DCAF8L2: variants seen among roughly 807,000 people sequenced by gnomAD.
DCAF8L2 encodes DDB1 and CUL4 associated factor 8 like 2, also known as DDB1- and CUL4-associated factor 8-like protein 2.
For synonymous variants in DCAF8L2, 200 were observed against 190.9 expected, an observed-to-expected ratio of 1.05 and a Z score of -0.39; for missense variants, 430 against 490.7, an observed-to-expected ratio of 0.88 and a Z score of 1.17.
chrX:27,633,907 T>C (rs1407416757), intron 2 of DCAF8L2: 3 of 111,785 alleles, frequency 2.7e-5, no homozygotes, highest in African/African-American at 9.8e-5. Flanking sequence ...TCTCTCTTTC[T>C]GCTGGTGAAG....
intron 1 of DCAF8L2, among the ~76,000 whole-genome samples, chrX:27,591,012 T>TATATATATATATATATATATATATAA (rs1311861515): frequency 1.1e-5 from 1 of 88,533 alleles, no homozygotes; most frequent in Non-Finnish European, 2.2e-5. Context: ...TATATATATA[T>TATATATATATATATATATATATATAA]ATAAATAAAT....
chrX:27,604,529 G>A (rs1050445329), intron 1 of DCAF8L2, among the ~76,000 whole-genome samples: 2 of 111,385 alleles, frequency 1.8e-5, no homozygotes, highest in Non-Finnish European at 3.8e-5. Flanking sequence ...CTAGTGACTA[G>A]TATGGAGGTA....
At chrX:27,580,966 A>G in the DCAF8L2 span, among the ~76,000 whole-genome samples, 9 of 100,421 alleles carry the variant, frequency 9.0e-5, no homozygotes, top group Admixed American at 3.3e-4. Context: ...TAATTTTTTT[A>G]TCAACACAAT....
intron 3 of DCAF8L2, among the ~76,000 whole-genome samples, chrX:27,688,828 A>G (rs894146956): frequency 8.9e-6 from 1 of 111,790 alleles, no homozygotes; most frequent in African/African-American, 3.2e-5. Flanking sequence ...AAGTAACTAC[A>G]TGGAGGTCTT....
At chrX:27,711,633 T>C (rs966401077) in intron 3 of DCAF8L2, among the ~76,000 whole-genome samples, 2 of 110,421 alleles carry the variant, frequency 1.8e-5, no homozygotes, top group African/African-American at 6.6e-5. Flanking sequence ...GAATAAAAAT[T>C]AAAGAAAATA....
intron 2 of DCAF8L2, among the ~76,000 whole-genome samples, 200 bp from the exon 3 acceptor site, chrX:27,677,627 CTTAGGAAAA>C (rs1411376637): frequency 1.8e-5 from 2 of 111,430 alleles, no homozygotes. Context: ...AGAAATAAAG[CTTAGGAAAA>C]GTAGGAAAAG....
chrX:27,501,159 C>G, the DCAF8L2 span, among the ~76,000 whole-genome samples: 1 of 110,539 alleles, frequency 9.0e-6, no homozygotes, highest in East Asian at 2.9e-4. Flanking sequence ...TGGCCATCAG[C>G]TAGAGCTCAC....
chrX:27,733,995 TA>T (rs199958457), intron 4 of DCAF8L2, among the ~76,000 whole-genome samples: 235 of 110,910 alleles, frequency 2.1e-3, no homozygotes, highest in African/African-American at 7.2e-3. Context: ...CTTTTTTTGA[TA>T]AAAAAAATCC....
chrX:27,474,319 T>C, the DCAF8L2 span, among the ~76,000 whole-genome samples: 1 of 112,286 alleles, frequency 8.9e-6, no homozygotes, highest in Non-Finnish European at 1.9e-5. Context: ...ATAGTTATAG[T>C]CATCTATCTC....
chrX:27,513,698 A>C, the DCAF8L2 span, among the ~76,000 whole-genome samples: 1 of 94,806 alleles, frequency 1.1e-5, no homozygotes, highest in Non-Finnish European at 2.1e-5. Context: ...AGCAAGACTC[A>C]GTCTCAAAAA....
At chrX:27,666,977 T>G (rs1252323786) in intron 2 of DCAF8L2, among the ~76,000 whole-genome samples, 1 of 111,603 alleles carries the variant, frequency 9.0e-6, no homozygotes, top group African/African-American at 3.3e-5. Flanking sequence ...CAGATTCTGA[T>G]TTAGTATATC....
the DCAF8L2 span, among the ~76,000 whole-genome samples, chrX:27,552,898 A>G: frequency 2.7e-5 from 3 of 112,043 alleles, no homozygotes; most frequent in East Asian, 8.3e-4. Context: ...AATTCTTCCA[A>G]TCTATGCACA....
rs374953949 is a variant in DCAF8L2, at chrX:27,747,642, C to T, written c.747C>T (p.Asp249=). Residue 249 remains aspartate, a synonymous_variant, in exon 5 of 5, where the codon GAC becomes GAT. Transcript: ENST00000451261. ...CCCGGCTGGCCAGTAGCGGTGATGACCTAAAGGTGATAGTGTGGGACTGGG... is the reference window on the plus strand; with the variant it reads ...CCCGGCTGGCCAGTAGCGGTGATGATCTAAAGGTGATAGTGTGGGACTGGG... ...RGTRLASSGD[D]LKVIVWDWVR... is the part of the protein sequence containing the mutation. 2.4e-4 allele frequency: 291 copies of T among 1,207,624 alleles called. 1 individual carries two copies. In the Middle Eastern group the frequency reaches 3.7e-3, roughly 15 times the overall value.
chrX:27,657,727 C>A (rs1000945525), intron 2 of DCAF8L2, among the ~76,000 whole-genome samples: 1 of 111,932 alleles, frequency 8.9e-6, no homozygotes, highest in Non-Finnish European at 1.9e-5. Context: ...CAGGGAAGAA[C>A]CATAGGCCAA....
chrX:27,599,151 T>C (rs748695018), intron 1 of DCAF8L2, among the ~76,000 whole-genome samples: 133 of 109,804 alleles, frequency 1.2e-3, no homozygotes, highest in African/African-American at 3.9e-3. Context: ...TAAAAAAAAA[T>C]GTGGTATATA....
intron 2 of DCAF8L2, among the ~76,000 whole-genome samples, chrX:27,647,520 A>G (rs1398803377): frequency 2.7e-5 from 3 of 111,937 alleles, no homozygotes; most frequent in Non-Finnish European, 3.8e-5. Context: ...ACATTTACCT[A>G]TGTAACAAAC....
At chrX:27,497,509 T>TTTCC in the DCAF8L2 span, among the ~76,000 whole-genome samples, 171 of 46,499 alleles carry the variant, frequency 3.7e-3, 1 homozygote, top group Middle Eastern at 0.02. Context: ...TCTTTCTTTC[T>TTTCC]TTCCTTCCTT....
chrX:27,664,227 C>A (rs1929659288), intron 2 of DCAF8L2, among the ~76,000 whole-genome samples: 1 of 111,174 alleles, frequency 9.0e-6, no homozygotes, highest in African/African-American at 3.3e-5. Flanking sequence ...ATTAAAACTG[C>A]TACTCTAGTC....
chrX:27,507,925 G>A, the DCAF8L2 span, among the ~76,000 whole-genome samples: 1 of 110,935 alleles, frequency 9.0e-6, no homozygotes, highest in Non-Finnish European at 1.9e-5. Context: ...GGGCCCCTCC[G>A]CCTCAGGTAC....
Sources: gnomAD v4.1 joint callset for allele counts (sites outside exome capture counted in the v4.1 genomes callset) on GRCh38, gnomAD v4.1.1 for gene constraint, MANE v1.5 for transcripts, NCBI Gene and HGNC (gene_info 2026-07-23, HGNC 2026-07-21) for gene names.